DOK5: variants seen among roughly 807,000 people sequenced by gnomAD.
DOK5 encodes the protein docking protein 5, also known as downstream of tyrosine kinase 5.
A neutral mutation model predicts 43.3 loss-of-function variants in DOK5; 27 were observed. The observed-to-expected ratio is 0.62, with a 90% CI of 0.46 to 0.86. The LOEUF (loss-of-function observed/expected upper bound fraction) is 0.86, where lower values mean the gene tolerates loss of function less well. DOK5 is among the 40% of genes least tolerant of loss of function. The pLI is 0.00. For missense variants in DOK5, 373 were observed against 392.9 expected (o/e 0.95, Z 0.43); for synonymous variants, 146 against 140.1 (o/e 1.04, Z -0.30).
chr20:54,642,705 A>G (rs1485309630), intron 6 of DOK5, among the ~76,000 whole-genome samples: 1 of 152,194 alleles, frequency 6.6e-6, no homozygotes, highest in Admixed American at 6.5e-5. Flanking sequence ...CCTTGCTGAC[A>G]GAGCAAGACT....
At chr20:54,594,679 T>C (rs1200048559) in intron 5 of DOK5, among the ~76,000 whole-genome samples, 2 of 152,130 alleles carry the variant, frequency 1.3e-5, no homozygotes, top group East Asian at 3.9e-4. Context: ...TTTTAAAATC[T>C]TTTTTTATTT....
In DOK5 at chr20:54,533,021, G is replaced by A. The variant is rs549858275; in HGVS notation, c.67-21912G>A. Among the ~76,000 whole-genome samples, 11 of 152,300 alleles carry A rather than the reference G, an allele frequency of 7.2e-5. No homozygotes were observed. In the East Asian group the frequency reaches 1.9e-3, roughly 27 times the overall value. On this transcript the variant is annotated intron_variant, in intron 1 of 7. Coordinates refer to ENST00000262593, the MANE Select transcript of DOK5 (RefSeq NM_018431.5). Reference sequence around the variant, plus strand: ...GTGACAAGTACTTTGGTTGTACATTGCCTCATCCAGTAGACCAAATTCTGA... The same window carrying A: ...GTGACAAGTACTTTGGTTGTACATTACCTCATCCAGTAGACCAAATTCTGA...
intron 1 of DOK5, among the ~76,000 whole-genome samples, chr20:54,520,934 A>T (rs747886656): frequency 5.3e-5 from 8 of 151,248 alleles, no homozygotes; most frequent in Non-Finnish European, 1.0e-4. Flanking sequence ...CCTTCCCTTT[A>T]CTCTGTAAGC....
rs779663636 is a variant in DOK5, at chr20:54,644,723, A to AACAAAAAAAAAAAC, written c.856+1151_856+1152insAAAAAAACACAAAA. On this transcript the variant is annotated intron_variant, in intron 7 of 7. Transcript: ENST00000262593. Reference sequence around the variant, plus strand: ...TCCGTCTCAAAAAAAAAAAAAAAAAAACAAAATTTAGCTGGGCGTGGTGGC... The same window carrying AACAAAAAAAAAAAC: ...TCCGTCTCAAAAAAAAAAAAAAAAAAACAAAAAAAAAAACACAAAATTTAGCTGGGCGTGGTGGC... 7.4e-3 allele frequency among the ~76,000 whole-genome samples: 1,059 copies of AACAAAAAAAAAAAC among 142,266 alleles called. 25 individuals carry two copies. The highest frequency in any genetic ancestry group is 0.029 in the African/African-American group (1,007 of 34,948). The allele number at this position is 142,266 out of a possible 152,430, so 93.3% of individuals were successfully genotyped here.
At chr20:54,501,339 C>T (rs913956875) in intron 1 of DOK5, among the ~76,000 whole-genome samples, 54 of 151,540 alleles carry the variant, frequency 3.6e-4, no homozygotes, top group African/African-American at 1.2e-3. Flanking sequence ...TGGTGGTGGG[C>T]GCCTGTAGAC....
intron 6 of DOK5, among the ~76,000 whole-genome samples, chr20:54,614,625 A>G (rs1384376053): frequency 6.6e-6 from 1 of 152,164 alleles, no homozygotes; most frequent in Non-Finnish European, 1.5e-5. Flanking sequence ...ATATGAGTAA[A>G]TCGTTTGGAT....
At chr20:54,645,665 A>G (rs911643763) in intron 7 of DOK5, among the ~76,000 whole-genome samples, 9 of 152,034 alleles carry the variant, frequency 5.9e-5, no homozygotes, top group African/African-American at 9.7e-5. Context: ...GATGCAGATG[A>G]TGGCCGGTTT....
chr20:54,610,744 C>T (rs959719504), intron 6 of DOK5, among the ~76,000 whole-genome samples: 2 of 152,184 alleles, frequency 1.3e-5, no homozygotes, highest in African/African-American at 2.4e-5. Flanking sequence ...ACAACTCAAT[C>T]GTAAGGGTGT....
chr20:54,542,562 G>T (rs184726063), intron 1 of DOK5, among the ~76,000 whole-genome samples: 80 of 152,316 alleles, frequency 5.3e-4, no homozygotes, highest in African/African-American at 1.9e-3. Context: ...CAAAGGAAGG[G>T]TTCCCTGTGT....
At chr20:54,543,631 G>A (rs1984242961) in intron 1 of DOK5, among the ~76,000 whole-genome samples, 1 of 151,782 alleles carries the variant, frequency 6.6e-6, no homozygotes, top group South Asian at 2.1e-4. Flanking sequence ...GGGGAAGGGA[G>A]AGGATTACGT....
intron 1 of DOK5, among the ~76,000 whole-genome samples, chr20:54,509,067 G>T (rs1391022742): frequency 6.6e-6 from 1 of 151,782 alleles, no homozygotes; most frequent in Admixed American, 6.6e-5. Context: ...GTAGAGACAG[G>T]GTTTTGCCAT....
chr20:54,565,805 G>C (rs112599322), intron 2 of DOK5, among the ~76,000 whole-genome samples: 10 of 151,840 alleles, frequency 6.6e-5, no homozygotes, highest in Non-Finnish European at 1.2e-4. Context: ...GGCGGATCAC[G>C]AGGTCAGGAG....
intron 1 of DOK5, among the ~76,000 whole-genome samples, chr20:54,477,960 C>A (rs1371811472): frequency 1.3e-5 from 2 of 152,252 alleles, no homozygotes; most frequent in Middle Eastern, 6.8e-3. Flanking sequence ...ATATTTGAAG[C>A]AGAAGGAACA....
In DOK5 at chr20:54,601,122, A is replaced by G. The variant is rs1600727549; in HGVS notation, c.600-9266A>G. On this transcript the variant is annotated intron_variant, in intron 5 of 7. Coordinates refer to ENST00000262593, the MANE Select transcript of DOK5 (RefSeq NM_018431.5). The stretch of plus-strand genomic sequence containing the variant: ...GAAAGGGAAGTGTTAGGGACCCTCC[A>G]GGAGCAGCTAAGACTGCAGAGAAAG... 4.6e-5 allele frequency among the ~76,000 whole-genome samples: 7 copies of G among 152,352 alleles called. No homozygotes were observed. The South Asian group carries it at 1.4e-3, about 32-fold the overall frequency.
intron 1 of DOK5, among the ~76,000 whole-genome samples, chr20:54,514,627 G>C (rs1296199376): frequency 9.0e-6 from 1 of 110,948 alleles, no homozygotes; most frequent in Non-Finnish European, 1.9e-5. Flanking sequence ...AAGGCAATCA[G>C]GGGAGAGCAA....
At chr20:54,548,303 T>G (rs1242671854) in intron 1 of DOK5, among the ~76,000 whole-genome samples, 2 of 152,102 alleles carry the variant, frequency 1.3e-5, no homozygotes, top group Admixed American at 1.3e-4. Flanking sequence ...GGCACAATCT[T>G]GACTCACTGC....
intron 1 of DOK5, among the ~76,000 whole-genome samples, chr20:54,477,008 G>A (rs1196177172): frequency 6.7e-6 from 1 of 150,186 alleles, no homozygotes; most frequent in Non-Finnish European, 1.5e-5. Flanking sequence ...AGTTGATCCT[G>A]TGCGTTTGGA....
chr20:54,606,089 A>G (rs910876607), intron 5 of DOK5, among the ~76,000 whole-genome samples: 1 of 152,162 alleles, frequency 6.6e-6, no homozygotes, highest in African/African-American at 2.4e-5. Context: ...CCTTCCCAAC[A>G]TTTTCTGAGC....
rs35374729 is a variant in DOK5, at chr20:54,638,122, GA to G, written c.736-5321del. Among the ~76,000 whole-genome samples the G allele has an allele frequency of 1.5e-4, 19 of 130,098 alleles. 1 individual carries two copies. The highest frequency in any genetic ancestry group is 4.0e-3 in the Middle Eastern group (1 of 252). The allele number at this position is 130,098 out of a possible 152,430, so 85.3% of individuals were successfully genotyped here. On this transcript the variant is annotated intron_variant, in intron 6 of 7. Coordinates refer to ENST00000262593, the MANE Select transcript of DOK5 (RefSeq NM_018431.5). ...GGGTGACAGAGCGAGACTCTGTCTC[GA>G]AAAAAAAAAAAAAAGATAATCCCTA...
Sources: allele counts gnomAD v4.1 joint callset (sites outside exome capture counted in the v4.1 genomes callset), GRCh38; gene constraint gnomAD v4.1.1; transcripts MANE v1.5; gene names NCBI Gene and HGNC (gene_info 2026-07-23, HGNC 2026-07-21).